WWOX: variants seen among roughly 807,000 people sequenced by gnomAD.
WWOX encodes the protein WW domain containing oxidoreductase, also known as WW domain-containing oxidoreductase.
WWOX carries 69 observed loss-of-function variants against 46.2 expected under a neutral mutation model. The observed-to-expected ratio is 1.49, with a 90% CI of 1.23 to 1.82. WWOX has a LOEUF of 1.82. Ranked by LOEUF, WWOX falls within the 40% of genes most tolerant of loss-of-function variation. WWOX has a pLI of 0.00. For synonymous variants in WWOX, 359 were observed against 202.6 expected (o/e 1.77, Z -6.56); for missense variants, 919 against 542.6 (o/e 1.69, Z -6.89).
chr16:78,883,301 A>G (rs888819437), intron 8 of WWOX, among the ~76,000 whole-genome samples: 3 of 152,194 alleles, frequency 2.0e-5, no homozygotes, highest in African/African-American at 7.2e-5. Context: ...TAACGTAGAG[A>G]TGAAACCCTA....
intron 8 of WWOX, among the ~76,000 whole-genome samples, chr16:78,484,986 G>A (rs888499813): frequency 6.6e-6 from 1 of 152,020 alleles, no homozygotes; most frequent in African/African-American, 2.4e-5. Flanking sequence ...CCTGCCTTCT[G>A]ATGAGCTGAC....
At chr16:78,584,993 A>C (rs1347286827) in intron 8 of WWOX, among the ~76,000 whole-genome samples, 1 of 152,236 alleles carries the variant, frequency 6.6e-6, no homozygotes, top group Non-Finnish European at 1.5e-5. Context: ...CCAAAGAGGC[A>C]GAAAGGCCGA....
intron 8 of WWOX, among the ~76,000 whole-genome samples, chr16:78,668,253 C>A (rs2047378453): frequency 6.6e-6 from 1 of 152,186 alleles, no homozygotes. Context: ...TGCACTCCAG[C>A]CTGTGTGACA....
At chr16:78,907,774 A>G (rs1039600762) in intron 8 of WWOX, among the ~76,000 whole-genome samples, 5 of 152,180 alleles carry the variant, frequency 3.3e-5, no homozygotes, top group African/African-American at 4.8e-5. Context: ...TCCCATTTCA[A>G]CAGATCTAGA....
At chr16:79,075,654 G>A (rs1380003202) in intron 8 of WWOX, among the ~76,000 whole-genome samples, 1 of 151,924 alleles carries the variant, frequency 6.6e-6, no homozygotes, top group Non-Finnish European at 1.5e-5. Context: ...CTGGGATCAA[G>A]TGATTCTCCT....
At chr16:79,150,320 G>C (rs1248238008) in intron 8 of WWOX, among the ~76,000 whole-genome samples, 1 of 152,188 alleles carries the variant, frequency 6.6e-6, no homozygotes, top group African/African-American at 2.4e-5. Context: ...TCACCTCTCT[G>C]ACTCATGCAT....
At chr16:78,562,369 C>G (rs911624070) in intron 8 of WWOX, among the ~76,000 whole-genome samples, 8 of 152,188 alleles carry the variant, frequency 5.3e-5, no homozygotes, top group Non-Finnish European at 1.0e-4. Context: ...ACTATACGAT[C>G]TAGTGTTTTC....
chr16:78,691,485 T>C (rs1211180811), intron 8 of WWOX, among the ~76,000 whole-genome samples: 1 of 152,094 alleles, frequency 6.6e-6, no homozygotes, highest in Non-Finnish European at 1.5e-5. Flanking sequence ...AGTGGGAGGA[T>C]GGTTAGAGCC....
chr16:78,454,821 A>G (rs74028003), intron 8 of WWOX, among the ~76,000 whole-genome samples: 18,354 of 151,998 alleles, frequency 0.12, 1,727 homozygotes, highest in African/African-American at 0.26. Context: ...GTTTTTGTGT[A>G]TGTGCCAATG....
At chr16:78,969,568 G>C (rs917826142) in intron 8 of WWOX, among the ~76,000 whole-genome samples, 1 of 152,152 alleles carries the variant, frequency 6.6e-6, no homozygotes, top group Admixed American at 6.5e-5. Flanking sequence ...ACCACACCCA[G>C]CCACTCTCTT....
intron 8 of WWOX, among the ~76,000 whole-genome samples, chr16:78,921,210 C>G (rs1010418356): frequency 6.6e-6 from 1 of 152,230 alleles, no homozygotes; most frequent in Admixed American, 6.5e-5. Context: ...GCAGGCAAAA[C>G]AGAGCTGTTT....
intron 8 of WWOX, among the ~76,000 whole-genome samples, chr16:78,531,688 C>A (rs570223184): frequency 6.6e-6 from 1 of 151,812 alleles, no homozygotes; most frequent in Non-Finnish European, 1.5e-5. Context: ...ACTAAAAATA[C>A]AAAAATTTTT....
intron 5 of WWOX, among the ~76,000 whole-genome samples, chr16:78,279,509 T>G (rs1031034791): frequency 4.6e-5 from 7 of 152,234 alleles, no homozygotes; most frequent in Non-Finnish European, 1.5e-5. Flanking sequence ...AATTTCAATT[T>G]CTTCAGTTTG....
At chr16:78,342,310 C>G (rs1391795302) in intron 5 of WWOX, among the ~76,000 whole-genome samples, 1 of 120,362 alleles carries the variant, frequency 8.3e-6, no homozygotes, top group Non-Finnish European at 2.0e-5. Context: ...CATTACATAT[C>G]CAGTGTGAGT....
intron 8 of WWOX, among the ~76,000 whole-genome samples, chr16:79,038,541 C>G (rs1029411419): frequency 1.8e-4 from 28 of 152,242 alleles, no homozygotes; most frequent in African/African-American, 5.3e-4. Flanking sequence ...AGTTTTCTGA[C>G]AAAGAATTAA....
At position 78,743,645 on chromosome 16, in the gene WWOX, G is replaced by T. The variant is rs115811080; in HGVS notation, c.1056+310893G>T. Among the ~76,000 whole-genome samples, 1,317 of 152,278 alleles carry T rather than the reference G, an allele frequency of 8.6e-3. 12 individuals are homozygous for T. The highest frequency in any genetic ancestry group is 0.03 in the African/African-American group (1,264 of 41,544). On this transcript the variant is annotated intron_variant, in intron 8 of 8. Transcript: ENST00000566780. ...TCCCCACTTTTCTGAGTTGCAGATG[G>T]AAAATTGAAAGTACCCCTGATTGGT...
intron 8 of WWOX, among the ~76,000 whole-genome samples, chr16:78,598,710 G>T (rs1015683504): frequency 2.6e-5 from 4 of 152,138 alleles, no homozygotes; most frequent in Non-Finnish European, 4.4e-5. Context: ...AATGCAAAAG[G>T]AGTTAATATG....
chr16:79,132,127 AACAC>A (rs141785224), intron 8 of WWOX, among the ~76,000 whole-genome samples: 16,445 of 141,396 alleles, frequency 0.12, 923 homozygotes, highest in South Asian at 0.15. Flanking sequence ...CACTTGCAGA[AACAC>A]ACACACACAC....
chr16:78,520,198 C>T (rs1048752024), intron 8 of WWOX, among the ~76,000 whole-genome samples: 8 of 152,190 alleles, frequency 5.3e-5, no homozygotes, highest in African/African-American at 1.9e-4. Context: ...ATAGGATTGC[C>T]AGGCTGGACT....
Sources: gnomAD v4.1 joint callset for allele counts (sites outside exome capture counted in the v4.1 genomes callset) on GRCh38, gnomAD v4.1.1 for gene constraint, MANE v1.5 for transcripts, NCBI Gene and HGNC (gene_info 2026-07-23, HGNC 2026-07-21) for gene names.